Variants in RBFOX1 observed in about 807,000 individuals in gnomAD.
RBFOX1 encodes the protein RNA binding fox-1 homolog 1.
In RBFOX1, 8 loss-of-function variants were observed where a neutral mutation model predicts 57.7. The observed-to-expected ratio is 0.14, with a 90% confidence interval of 0.08 to 0.25. The LOEUF (loss-of-function observed/expected upper bound fraction) is 0.25, where lower values mean the gene tolerates loss of function less well. RBFOX1 is among the 10% of genes least tolerant of loss of function. RBFOX1 has a pLI of 1.00. For synonymous variants in RBFOX1, 326 were observed against 222.4 expected (o/e 1.47, Z -4.15); for missense variants, 611 against 548.5 (o/e 1.11, Z -1.14).
chr16:6,067,937 A>G (rs1347510820), intron 1 of RBFOX1, among the ~76,000 whole-genome samples: 1 of 152,218 alleles, frequency 6.6e-6, no homozygotes, highest in Non-Finnish European at 1.5e-5. Context: ...AATAACTTGA[A>G]CAGTATCCAA....
At chr16:6,913,615 T>C (rs1343539204) in intron 3 of RBFOX1, among the ~76,000 whole-genome samples, 3 of 152,158 alleles carry the variant, frequency 2.0e-5, no homozygotes, top group Non-Finnish European at 4.4e-5. Context: ...CCAGAGCAAC[T>C]CAAGCCCTGA....
At chr16:6,036,855 A>G (rs573681997) in intron 1 of RBFOX1, among the ~76,000 whole-genome samples, 3 of 152,332 alleles carry the variant, frequency 2.0e-5, no homozygotes, top group Non-Finnish European at 4.4e-5. Context: ...AAAGTGCTAT[A>G]TGGGACACAC....
At chr16:5,288,164 A>C (rs2063445392) in intron 1 of RBFOX1, among the ~76,000 whole-genome samples, 1 of 152,228 alleles carries the variant, frequency 6.6e-6, no homozygotes, top group Admixed American at 6.5e-5. Flanking sequence ...CAATTTTGAC[A>C]AAGTTGTTTT....
At chr16:6,753,410 C>T (rs1199958187) in intron 3 of RBFOX1, among the ~76,000 whole-genome samples, 3 of 152,142 alleles carry the variant, frequency 2.0e-5, no homozygotes, top group Non-Finnish European at 4.4e-5. Flanking sequence ...AATTGTGTGC[C>T]TGCATTAATA....
At chr16:6,594,506 G>A (rs924645458) in intron 2 of RBFOX1, among the ~76,000 whole-genome samples, 1 of 152,114 alleles carries the variant, frequency 6.6e-6, no homozygotes, top group Non-Finnish European at 1.5e-5. Flanking sequence ...ACAGATTGTT[G>A]ACATGTAGGA....
chr16:6,424,620 C>CGTGTGTGTGTGTGT (rs143990992), intron 2 of RBFOX1, among the ~76,000 whole-genome samples: 31,448 of 150,304 alleles, frequency 0.21, 3,530 homozygotes, highest in East Asian at 0.42. Context: ...TGTGTGTGTG[C>CGTGTGTGTGTGTGT]GTGTGTGTGA....
Position 7,094,088 on chromosome 16 carries a change from A to G in RBFOX1, c.27+41990A>G, listed in dbSNP as rs145329025. The stretch of plus-strand genomic sequence containing the variant: ...CAGAGCAAAACATACTAGATGTGAA[A>G]TAGCCCTTCTCTTCTTCATTTTACA... On this transcript the variant is annotated intron_variant, in intron 4 of 15. Transcript: ENST00000550418. Among the ~76,000 whole-genome samples, 20 of 150,814 alleles carry G rather than the reference A, an allele frequency of 1.3e-4. No homozygotes were observed. In the East Asian group the frequency reaches 3.9e-3, roughly 29 times the overall value.
At chr16:7,208,229 C>T (rs1456429420) in intron 4 of RBFOX1, among the ~76,000 whole-genome samples, 3 of 152,132 alleles carry the variant, frequency 2.0e-5, no homozygotes, top group Non-Finnish European at 4.4e-5. Context: ...CCAGATTGTC[C>T]CTCCACCAAT....
intron 2 of RBFOX1, among the ~76,000 whole-genome samples, chr16:6,546,018 C>T (rs1010571702): frequency 1.6e-4 from 25 of 152,044 alleles, no homozygotes; most frequent in Admixed American, 1.6e-3. Context: ...GTCTTGGGCT[C>T]TAAATAAAAT....
At chr16:6,010,017 G>T (rs760045049) in intron 4 of RBFOX1, among the ~76,000 whole-genome samples, 1 of 152,158 alleles carries the variant, frequency 6.6e-6, no homozygotes, top group Non-Finnish European at 1.5e-5. Flanking sequence ...GATGAGGAGA[G>T]ATACTGGGGT....
chr16:5,607,699 C>G (rs1270579011), intron 3 of RBFOX1, among the ~76,000 whole-genome samples: 2 of 152,176 alleles, frequency 1.3e-5, no homozygotes, highest in Non-Finnish European at 2.9e-5. Flanking sequence ...TCATACTTCT[C>G]TCTGTCGACA....
intron 3 of RBFOX1, among the ~76,000 whole-genome samples, chr16:6,941,292 CTCCCTCCCTCCTTCCTTCCTTCCTTCCT>C (rs1281180459): frequency 0.01 from 826 of 80,116 alleles, 19 homozygotes; most frequent in African/African-American, 0.04. Context: ...CCCTCCTTCC[CTCCCTCCCTCCTTCCTTCCTTCCTTCCT>C]TCCTTCCTTC....
chr16:7,214,939 G>T (rs1363524312), intron 4 of RBFOX1, among the ~76,000 whole-genome samples: 1 of 152,054 alleles, frequency 6.6e-6, no homozygotes, highest in African/African-American at 2.4e-5. Context: ...TACTGAATGT[G>T]CAGGTTTGTT....
At chr16:7,199,327 G>GC (rs2087668148) in intron 4 of RBFOX1, among the ~76,000 whole-genome samples, 1 of 151,620 alleles carries the variant, frequency 6.6e-6, no homozygotes, top group Non-Finnish European at 1.5e-5. Flanking sequence ...TGTTTAAAGG[G>GC]TTTTTTTTCT....
intron 3 of RBFOX1, among the ~76,000 whole-genome samples, chr16:5,857,842 G>T (rs1177113108): frequency 2.0e-5 from 3 of 152,100 alleles, no homozygotes; most frequent in Admixed American, 2.0e-4. Flanking sequence ...GTTAACTGGG[G>T]AGGCTGAGGT....
chr16:7,339,681 C>A (rs2096856731), intron 4 of RBFOX1, among the ~76,000 whole-genome samples: 1 of 152,176 alleles, frequency 6.6e-6, no homozygotes, highest in Non-Finnish European at 1.5e-5. Context: ...CTCAGGTGAT[C>A]CGCCCACTTC....
At chr16:6,966,929 AT>A (rs1449675246) in intron 3 of RBFOX1, among the ~76,000 whole-genome samples, 1 of 148,250 alleles carries the variant, frequency 6.7e-6, no homozygotes, top group Non-Finnish European at 1.5e-5. Context: ...CCATCCATCC[AT>A]CCATCCATTG....
intron 4 of RBFOX1, among the ~76,000 whole-genome samples, chr16:7,292,672 A>G (rs552073925): frequency 7.8e-4 from 119 of 151,930 alleles, no homozygotes; most frequent in Non-Finnish European, 1.6e-3. Context: ...GGCATGTAAG[A>G]ACGCTACAAT....
At chr16:6,961,868 T>G (rs1251389379) in intron 3 of RBFOX1, among the ~76,000 whole-genome samples, 1 of 152,162 alleles carries the variant, frequency 6.6e-6, no homozygotes, top group Non-Finnish European at 1.5e-5. Flanking sequence ...CATCCTGGTT[T>G]GGGTGGGTTT....
Sources: gnomAD v4.1 joint callset for allele counts (sites outside exome capture counted in the v4.1 genomes callset) on GRCh38, gnomAD v4.1.1 for gene constraint, MANE v1.5 for transcripts, NCBI Gene and HGNC (gene_info 2026-07-23, HGNC 2026-07-21) for gene names.